The following ATP11A variants were observed in gnomAD, a reference collection of about 807,000 sequenced individuals.
The protein encoded by ATP11A is phospholipid-transporting ATPase IH.
ATP11A carries 81 observed loss-of-function variants against 154.4 expected under a neutral mutation model. The ratio of observed to expected loss-of-function variants is 0.52; its 90% CI spans 0.44 to 0.63. The LOEUF (loss-of-function observed/expected upper bound fraction) is 0.63, where lower values mean the gene tolerates loss of function less well. Among genes scored for constraint, ATP11A ranks in the 30% least tolerant of loss-of-function variants. The pLI is 0.00. For synonymous variants in ATP11A, 623 were observed against 585.9 expected, an observed-to-expected ratio of 1.06 and a Z score of -0.91; for missense variants, 1,316 against 1,474.3, an observed-to-expected ratio of 0.89 and a Z score of 1.76.
At chr13:112,831,673 G>A in intron 13 of ATP11A, 125 bp downstream of exon 13, 1 of 1,133,360 alleles carries the variant, frequency 8.8e-7, no homozygotes, top group South Asian at 1.5e-5. Context: ...TCAGTGGGAG[G>A]GATGGTCAGA....
In ATP11A at chr13:112,785,231, C is replaced by A; in HGVS notation, c.136C>A (p.Pro46Thr). The change falls in exon 2 of 30, where the codon CCA (proline) becomes ACA (threonine). Residue 46 changes from proline (P) to threonine (T), a missense_variant. Physicochemically the swap from Pro to Thr is conservative, Grantham distance 38. Around this residue, in one of 5 missense-constraint regions of ATP11A, gnomAD observed 123 missense variants for 113.7 expected, o/e 1.08. Transcript: ENST00000375645. This position sits in a 1 kb window ranked among gnomAD's most constrained non-coding sequence, Gnocchi z 4.8. ...AGAGGCCTACATCCCACAGAGATAC[C>A]CAGACAACAGGATCGTCTCGTCCAA... ...GAEAYIPQRY[P>T]DNRIVSSKYT... The A allele has an allele frequency of 1.3e-6, 2 of 1,556,244 alleles. No homozygotes were observed. Among genetic ancestry groups the A allele is most frequent in the Non-Finnish European group, 1.7e-6 (2 of 1,152,528 alleles).
chr13:112,830,792 C>A (rs543492432), intron 12 of ATP11A, among the ~76,000 whole-genome samples: 2 of 152,226 alleles, frequency 1.3e-5, no homozygotes, highest in African/African-American at 4.8e-5. Flanking sequence ...AACGTGTGAC[C>A]CATGAGCTTA....
intron 16 of ATP11A, among the ~76,000 whole-genome samples, chr13:112,842,007 G>GA (rs750482175): frequency 2.6e-5 from 4 of 152,186 alleles, no homozygotes; most frequent in East Asian, 1.9e-4. Flanking sequence ...CTTTCCCAGA[G>GA]AAAAAACAGA....
chr13:112,834,668 C>G lies in ATP11A; in HGVS notation c.1631+8C>G, dbSNP rs1396989541. 6.2e-7 allele frequency: 1 copy of G among 1,604,478 alleles called. No homozygotes were observed. The highest frequency in any genetic ancestry group is 8.5e-7 in the Non-Finnish European group (1 of 1,171,744). The stretch of plus-strand genomic sequence containing the variant: ...GGAGAACCACATCGAAAGGTATGTG[C>G]AGACCTCACCCTCAGATGTGAAAGG... On this transcript the variant is annotated splice_region_variant and intron_variant, in intron 15 of 29. Coordinates refer to ENST00000375645, the MANE Select transcript of ATP11A (RefSeq NM_015205.3).
rs1566612780 is a variant in ATP11A at position 112,882,056 on chromosome 13, C to T, written c.*190C>T. 3 of 1,367,544 alleles carry T rather than the reference C, an allele frequency of 2.2e-6. No homozygotes were observed. Among genetic ancestry groups the T allele is most frequent in the East Asian group, 4.5e-5 (1 of 21,988 alleles). 84.7% of individuals were successfully genotyped at this position (1,367,544 alleles called of 1,614,324 possible). A position where few individuals can be genotyped will look rare whatever the true frequency, so the allele number is the denominator to read the frequency against. ...CTGCCCTAGGTCCCGTGTGGGAATG[C>T]TCGTGTGATGGATGGTCCTAAGCCT... On this transcript the variant is annotated 3_prime_UTR_variant, in exon 30 of 30. Coordinates refer to ENST00000375645, the MANE Select transcript of ATP11A (RefSeq NM_015205.3). This position sits in a 1 kb window ranked among gnomAD's most constrained non-coding sequence, Gnocchi z 5.1.
chr13:112,726,691 G>A (rs1433534129), intron 1 of ATP11A, among the ~76,000 whole-genome samples: 1 of 152,212 alleles, frequency 6.6e-6, no homozygotes, highest in Non-Finnish European at 1.5e-5. Context: ...GGAAAAAAAA[G>A]TCCATTGCTT....
At chr13:112,844,600 A>G (rs1157774843) in intron 17 of ATP11A, among the ~76,000 whole-genome samples, 2 of 152,192 alleles carry the variant, frequency 1.3e-5, no homozygotes, top group Non-Finnish European at 2.9e-5. Flanking sequence ...CGGCTGTTGT[A>G]TCCGGCGTCT....
chr13:112,699,043 T>C (rs1886213080), intron 1 of ATP11A, among the ~76,000 whole-genome samples: 1 of 152,236 alleles, frequency 6.6e-6, no homozygotes, highest in African/African-American at 2.4e-5. Context: ...ACCAATCCTT[T>C]AAATCTTCTC....
At chr13:112,752,789 A>G (rs2076726069) in intron 1 of ATP11A, among the ~76,000 whole-genome samples, 1 of 152,228 alleles carries the variant, frequency 6.6e-6, no homozygotes, top group Non-Finnish European at 1.5e-5. Context: ...CTTGCTGGCC[A>G]TCCTACAATT....
chr13:112,805,166 A>T, intron 3 of ATP11A, 120 bp downstream of exon 3: 2 of 661,764 alleles, frequency 3.0e-6, no homozygotes, highest in East Asian at 6.0e-5. Context: ...CTCACCTATG[A>T]TTAATTTATT....
intron 25 of ATP11A, among the ~76,000 whole-genome samples, chr13:112,865,447 G>C (rs541988125): frequency 2.0e-5 from 3 of 152,176 alleles, no homozygotes; most frequent in Non-Finnish European, 2.9e-5. Context: ...TTCTCAGCGG[G>C]GTCCATCACC....
chr13:112,729,661 C>T (rs1268888696), intron 1 of ATP11A, among the ~76,000 whole-genome samples: 2 of 152,126 alleles, frequency 1.3e-5, no homozygotes, highest in African/African-American at 4.8e-5. Context: ...GTGTGAACAG[C>T]GTCAGAAGGC....
chr13:112,715,641 C>A (rs1018731961), intron 1 of ATP11A, among the ~76,000 whole-genome samples: 3 of 142,798 alleles, frequency 2.1e-5, no homozygotes, highest in Non-Finnish European at 4.6e-5. Context: ...GAGGGTTGCC[C>A]CTCTGTATTT....
At chr13:112,786,964 C>T (rs980794460) in intron 2 of ATP11A, among the ~76,000 whole-genome samples, 1 of 144,784 alleles carries the variant, frequency 6.9e-6, no homozygotes, top group African/African-American at 2.6e-5. Flanking sequence ...TAATTCACAC[C>T]GGGTGTCCTG....
At chr13:112,701,563 TG>T (rs1214365518) in intron 1 of ATP11A, among the ~76,000 whole-genome samples, 1 of 152,194 alleles carries the variant, frequency 6.6e-6, no homozygotes, top group Non-Finnish European at 1.5e-5. Flanking sequence ...CCGGGCGCGG[TG>T]GCTCATGCCT....
At chr13:112,747,524 C>G (rs899795197) in intron 1 of ATP11A, 2 of 152,206 alleles carry the variant, frequency 1.3e-5, no homozygotes, top group African/African-American at 4.8e-5. Flanking sequence ...CCTACTGTAG[C>G]TTTTTAGCAA....
chr13:112,762,815 C>T (rs147257056), intron 1 of ATP11A, among the ~76,000 whole-genome samples: 1 of 152,346 alleles, frequency 6.6e-6, no homozygotes, highest in Non-Finnish European at 1.5e-5. Flanking sequence ...TGACGGGCAG[C>T]CCTCCAGGAG....
chr13:112,713,321 G>A lies in ATP11A; in HGVS notation c.39+22866G>A, dbSNP rs1259590169. 5.9e-5 allele frequency among the ~76,000 whole-genome samples: 9 copies of A among 152,296 alleles called. No homozygotes were observed. The South Asian group carries it at 1.2e-3, about 21-fold the overall frequency. On this transcript the variant is annotated intron_variant, in intron 1 of 29. Transcript: ENST00000375645. ...GAGACAGGAGAATTGCTTGAACCTG[G>A]GAGGCGGAGGTTGCAGTGAGCCAAG...
intron 11 of ATP11A, 104 bp downstream of exon 11, chr13:112,825,684 A>T (rs1234272991): frequency 1.5e-6 from 2 of 1,347,444 alleles, no homozygotes; most frequent in African/African-American, 1.5e-5. Context: ...TGTAGGCAAA[A>T]AGCAGCTTGA....
Sources: allele counts gnomAD v4.1 joint callset (sites outside exome capture counted in the v4.1 genomes callset), GRCh38; gene constraint gnomAD v4.1.1; regional missense constraint gnomAD v4.1.1; non-coding constraint Gnocchi (gnomAD v3.1); transcripts MANE v1.5; gene names NCBI Gene and HGNC (gene_info 2026-07-23, HGNC 2026-07-21).